ATP8A2: variants seen among roughly 807,000 people sequenced by gnomAD.
ATP8A2 encodes phospholipid-transporting ATPase IB.
In ATP8A2, 100 loss-of-function variants were observed where a neutral mutation model predicts 165.6. The observed-to-expected ratio is 0.60, with a 90% CI of 0.51 to 0.71. ATP8A2 has a LOEUF of 0.71. Ranked by LOEUF, ATP8A2 falls within the 30% of genes least tolerant of loss-of-function variation. ATP8A2 has a pLI of 0.00. For missense variants in ATP8A2, 1,227 were observed against 1,479.5 expected, an observed-to-expected ratio of 0.83 and a Z score of 2.80; for synonymous variants, 543 against 548.8, an observed-to-expected ratio of 0.99 and a Z score of 0.15.
intron 24 of ATP8A2, among the ~76,000 whole-genome samples, chr13:25,650,997 C>T (rs2041798778): frequency 6.6e-6 from 1 of 152,010 alleles, no homozygotes; most frequent in Non-Finnish European, 1.5e-5. Context: ...TTACATTATC[C>T]ATAATAATGA....
chr13:25,899,151 C>T (rs1377534212), intron 33 of ATP8A2, among the ~76,000 whole-genome samples: 4 of 152,210 alleles, frequency 2.6e-5, no homozygotes, highest in African/African-American at 9.6e-5. Context: ...TGGAGCTGTT[C>T]CTATTCGGCC....
intron 33 of ATP8A2, among the ~76,000 whole-genome samples, chr13:25,950,290 A>G (rs894368914): frequency 1.3e-5 from 2 of 152,204 alleles, no homozygotes; most frequent in Non-Finnish European, 2.9e-5. Context: ...AAGATACAGC[A>G]GAGTAGGACA....
chr13:25,940,470 G>A (rs1163299033), intron 33 of ATP8A2, among the ~76,000 whole-genome samples: 4 of 151,992 alleles, frequency 2.6e-5, no homozygotes, highest in African/African-American at 4.8e-5. Flanking sequence ...CTGCCTTCCC[G>A]TCCTCTGGGC....
chr13:25,882,925 GAT>G (rs1491569170), intron 33 of ATP8A2, among the ~76,000 whole-genome samples: 2 of 151,686 alleles, frequency 1.3e-5, no homozygotes, highest in African/African-American at 4.8e-5. Flanking sequence ...TGATGATGAT[GAT>G]GATGATGATG....
intron 25 of ATP8A2, among the ~76,000 whole-genome samples, chr13:25,757,586 CCT>C (rs555544311): frequency 2.0e-5 from 3 of 151,992 alleles, no homozygotes; most frequent in African/African-American, 7.3e-5. Flanking sequence ...ACTGCCTTAA[CCT>C]CTCTCTCTAT....
chr13:25,516,453 A>C (rs1390300285), intron 2 of ATP8A2, among the ~76,000 whole-genome samples: 1 of 152,170 alleles, frequency 6.6e-6, no homozygotes, highest in Non-Finnish European at 1.5e-5. Context: ...CTCTGTTTGG[A>C]AAGAATATAC....
intron 1 of ATP8A2, among the ~76,000 whole-genome samples, chr13:25,464,618 AT>A: frequency 6.6e-6 from 1 of 152,042 alleles, no homozygotes; most frequent in East Asian, 1.9e-4. Flanking sequence ...TGGTGGCCCA[AT>A]TTGGACCAAG....
intron 1 of ATP8A2, among the ~76,000 whole-genome samples, chr13:25,446,502 G>C (rs767737122): frequency 1.8e-4 from 28 of 152,132 alleles, no homozygotes; most frequent in Non-Finnish European, 3.7e-4. Context: ...CAGGACAAAT[G>C]CTTCTGCCTA....
intron 24 of ATP8A2, among the ~76,000 whole-genome samples, chr13:25,649,358 A>C (rs1406773288): frequency 6.6e-6 from 1 of 152,172 alleles, no homozygotes; most frequent in African/African-American, 2.4e-5. Context: ...AGATCAGGCC[A>C]GGGTGTGTTC....
chr13:25,774,649 A>G (rs1306673147), intron 26 of ATP8A2, among the ~76,000 whole-genome samples, 200 bp from the exon 27 acceptor site: 2 of 152,210 alleles, frequency 1.3e-5, no homozygotes, highest in Non-Finnish European at 2.9e-5. Flanking sequence ...GAAAATAATA[A>G]TAATGTAGTT....
chr13:25,396,465 G>C (rs1397505126), intron 1 of ATP8A2, among the ~76,000 whole-genome samples: 1 of 152,148 alleles, frequency 6.6e-6, no homozygotes, highest in Non-Finnish European at 1.5e-5. Flanking sequence ...ATGGGACTGA[G>C]AGACAATAGG....
chr13:25,418,472 A>AT lies in ATP8A2; in HGVS notation c.76+46193dup, dbSNP rs796524734. ...CTAGTACCGTACCATGTTAAAGGAT[A>AT]TTTTTTTTTCCAAAAAGTTAAATCA... On this transcript the variant is annotated intron_variant, in intron 1 of 36. Coordinates refer to ENST00000381655, the MANE Select transcript of ATP8A2 (RefSeq NM_016529.6). Among the ~76,000 whole-genome samples, 424 of 139,064 alleles carry AT rather than the reference A, an allele frequency of 3.0e-3. 1 individual carries two copies. The highest frequency in any genetic ancestry group is 0.011 in the African/African-American group (406 of 37,596). 91.2% of individuals were successfully genotyped at this position (139,064 alleles called of 152,430 possible).
rs368459604 is a variant in ATP8A2, at chr13:25,811,524, C to G, written c.2680-16594C>G. On this transcript the variant is annotated intron_variant, in intron 27 of 36. Transcript: ENST00000381655. ...TCCTTGCCCCGGTTGTACTTCTCTT[C>G]TATTCATAAACCCTAAAGAAAAGCT... is the stretch of plus-strand genomic sequence containing the variant. Among the ~76,000 whole-genome samples, 19 of 152,208 alleles carry G rather than the reference C, an allele frequency of 1.2e-4. 1 individual carries two copies. The South Asian group carries it at 3.1e-3, about 25-fold the overall frequency.
chr13:25,976,881 C>G (rs1376244773), intron 35 of ATP8A2, among the ~76,000 whole-genome samples: 1 of 152,120 alleles, frequency 6.6e-6, no homozygotes, highest in Non-Finnish European at 1.5e-5. Flanking sequence ...CTCTGCCTCC[C>G]AGGTTCAAGC....
chr13:25,899,207 G>A (rs906883907), intron 33 of ATP8A2, among the ~76,000 whole-genome samples: 23 of 152,328 alleles, frequency 1.5e-4, no homozygotes, highest in East Asian at 7.7e-4. Flanking sequence ...GCTGGCGAGC[G>A]TGGAAACATG....
At chr13:25,920,874 C>T (rs914150429) in intron 33 of ATP8A2, among the ~76,000 whole-genome samples, 3 of 152,148 alleles carry the variant, frequency 2.0e-5, no homozygotes, top group African/African-American at 7.2e-5. Flanking sequence ...CCCAGGAGTT[C>T]GAGACCAGCC....
At chr13:25,492,274 T>C (rs1168911690) in intron 2 of ATP8A2, among the ~76,000 whole-genome samples, 1 of 152,244 alleles carries the variant, frequency 6.6e-6, no homozygotes, top group Non-Finnish European at 1.5e-5. Context: ...CAGGCTGTTC[T>C]TGAACTCCTG....
At position 25,953,341 on chromosome 13, in the gene ATP8A2, G is replaced by T. The variant is rs537912304; in HGVS notation, c.3184-8234G>T. 6.6e-6 allele frequency among the ~76,000 whole-genome samples: 1 copy of T among 151,928 alleles called. No homozygotes were observed. The highest frequency in any genetic ancestry group is 2.1e-4 in the South Asian group (1 of 4,824). On this transcript the variant is annotated intron_variant, in intron 33 of 36. Coordinates refer to ENST00000381655, the MANE Select transcript of ATP8A2 (RefSeq NM_016529.6). This position sits in a 1 kb window ranked among gnomAD's most constrained non-coding sequence, Gnocchi z 6.7. ...ATTTTCTTCTGTAAAATGGGGACGG[G>T]GGGGATTAAATAAAATGCTTTATGG...
chr13:25,970,127 A>T (rs1955878948), intron 35 of ATP8A2, among the ~76,000 whole-genome samples: 1 of 152,250 alleles, frequency 6.6e-6, no homozygotes, highest in Admixed American at 6.5e-5. Context: ...TAAGTTTATT[A>T]TACTTAGAAA....
Sources: allele counts gnomAD v4.1 joint callset (sites outside exome capture counted in the v4.1 genomes callset), GRCh38; gene constraint gnomAD v4.1.1; non-coding constraint Gnocchi (gnomAD v3.1); transcripts MANE v1.5; gene names NCBI Gene and HGNC (gene_info 2026-07-23, HGNC 2026-07-21).